Variants in PCDHGB1 observed in about 807,000 individuals in gnomAD.
PCDHGB1 encodes the protein protocadherin gamma subfamily B, 1, also known as protocadherin gamma-B1.
Under a neutral mutation model 56.6 loss-of-function variants are expected in PCDHGB1, and 34 were observed. The observed-to-expected ratio is 0.60, with a 90% CI of 0.46 to 0.80. The LOEUF is 0.80. Among genes scored for constraint, PCDHGB1 ranks in the 30% least tolerant of loss-of-function variants. PCDHGB1 has a pLI of 0.00. For synonymous variants in PCDHGB1, 561 were observed against 505.9 expected (o/e 1.11, Z -1.46); for missense variants, 1,278 against 1,204.6 (o/e 1.06, Z -0.90).
chr5:141,354,596 C>T (rs1759587882), intron 1 of PCDHGB1, among the ~76,000 whole-genome samples: 2 of 152,350 alleles, frequency 1.3e-5, no homozygotes, highest in South Asian at 4.1e-4. Context: ...AAAGCCAGAC[C>T]TCCAAGTTCC....
At chr5:141,483,242 C>T (rs2099578681) in intron 1 of PCDHGB1, among the ~76,000 whole-genome samples, 1 of 151,558 alleles carries the variant, frequency 6.6e-6, no homozygotes, top group African/African-American at 2.4e-5. Flanking sequence ...AACTGATATG[C>T]ATATATCATG....
chr5:141,458,171 A>G (rs548935841), intron 1 of PCDHGB1, among the ~76,000 whole-genome samples: 74 of 152,336 alleles, frequency 4.9e-4, no homozygotes, highest in African/African-American at 1.6e-3. Flanking sequence ...TCACAGTAGT[A>G]TACCTTACTT....
intron 1 of PCDHGB1, chr5:141,384,509 G>T: frequency 6.2e-7 from 1 of 1,614,176 alleles, no homozygotes; most frequent in Non-Finnish European, 8.5e-7. Flanking sequence ...GCACATGACA[G>T]CGGGGACCCG....
rs2099415271 is a variant in PCDHGB1, at chr5:141,477,659, G to A, written c.2410-17148G>A. 6.2e-7 allele frequency: 1 copy of A among 1,614,194 alleles called. No individual in the cohort carries two copies. The highest frequency in any genetic ancestry group is 1.3e-5 in the African/African-American group (1 of 75,046). ...GGGTCGCTATTTCACAATAAATCGT[G>A]ACAATGGCATAGTGTCATCCTTAGT... On this transcript the variant is annotated intron_variant, in intron 1 of 3. Transcript: ENST00000523390. The surrounding 1 kb of genome is among the most constrained non-coding windows in gnomAD (Gnocchi z 4.9).
At chr5:141,471,932 A>T (rs1015576042) in intron 1 of PCDHGB1, among the ~76,000 whole-genome samples, 1 of 152,158 alleles carries the variant, frequency 6.6e-6, no homozygotes, top group Non-Finnish European at 1.5e-5. Context: ...GGGGGTGATG[A>T]GAGTTTTCTA....
chr5:141,433,194 A>G (rs1170543558), intron 1 of PCDHGB1: 18 of 1,585,754 alleles, frequency 1.1e-5, no homozygotes, highest in Non-Finnish European at 1.5e-5. Context: ...GTGAGTTTAT[A>G]TCAAATCTTC....
intron 1 of PCDHGB1, chr5:141,418,035 T>C: frequency 6.2e-7 from 1 of 1,614,000 alleles, no homozygotes; most frequent in Non-Finnish European, 8.5e-7. Context: ...CTTAGTGTCC[T>C]GGATGTGTCG....
intron 1 of PCDHGB1, chr5:141,410,094 C>A: frequency 6.2e-7 from 1 of 1,612,646 alleles, no homozygotes; most frequent in South Asian, 1.1e-5. Context: ...ACGGCTCGAG[C>A]CTTAGGCGAC....
chr5:141,480,914 G>A (rs959577133), intron 1 of PCDHGB1, among the ~76,000 whole-genome samples: 18 of 151,978 alleles, frequency 1.2e-4, no homozygotes, highest in South Asian at 4.2e-4. Flanking sequence ...GCATGGTGGC[G>A]CATACCTGTA....
In PCDHGB1 at chr5:141,511,086, G is replaced by A. The variant is rs2099883600; in HGVS notation, c.2697G>A (p.Leu899=). The A allele has an allele frequency of 1.2e-6, 2 of 1,614,062 alleles. No individual in the cohort carries two copies. The highest frequency in any genetic ancestry group is 2.2e-5 in the East Asian group (1 of 44,886). The change falls in exon 4 of 4, where the codon CTG becomes CTA. Residue 899 remains leucine (L), a synonymous_variant. Transcript: ENST00000523390. ...ACATCCCAGGCAGCAATGCCACACT[G>A]ACCAACGCAGCTGGCAAGCGGGATG... is the stretch of plus-strand genomic sequence containing the variant. The part of the protein sequence containing the change: ...NVYIPGSNAT[L]TNAAGKRDGK...
intron 1 of PCDHGB1, among the ~76,000 whole-genome samples, chr5:141,434,982 A>G (rs908716553): frequency 3.3e-5 from 5 of 152,084 alleles, no homozygotes; most frequent in East Asian, 1.9e-4. Flanking sequence ...TTAATACTCT[A>G]TATCATTTTC....
At chr5:141,425,719 A>G (rs2096890303) in intron 1 of PCDHGB1, among the ~76,000 whole-genome samples, 1 of 152,200 alleles carries the variant, frequency 6.6e-6, no homozygotes. Context: ...TTCCCATACC[A>G]CTTGATGGGG....
chr5:141,502,246 T>A (rs1449536622), intron 2 of PCDHGB1, among the ~76,000 whole-genome samples: 1 of 152,206 alleles, frequency 6.6e-6, no homozygotes, highest in African/African-American at 2.4e-5. Flanking sequence ...TTTATCCTTT[T>A]TTTTAATCCA....
chr5:141,504,010 C>G (rs980812107), intron 2 of PCDHGB1, among the ~76,000 whole-genome samples: 9 of 152,204 alleles, frequency 5.9e-5, no homozygotes, highest in African/African-American at 1.2e-4. Context: ...TTAACTGTCT[C>G]TGCTGGTCTC....
chr5:141,476,597 G>C lies in PCDHGB1; in HGVS notation c.2410-18210G>C, dbSNP rs2099394582. On this transcript the variant is annotated intron_variant, in intron 1 of 3. Coordinates refer to ENST00000523390, the MANE Select transcript of PCDHGB1 (RefSeq NM_018922.3). The surrounding 1 kb of genome is among the most constrained non-coding windows in gnomAD (Gnocchi z 7.6). ...GCGCTTTCCGCTCGAGAGCGCGCAC[G>C]ATCCCGATGTGGGAAGCAACTCTTT... The C allele has an allele frequency of 1.2e-6, 2 of 1,614,112 alleles. No individual in the cohort carries two copies. The highest frequency in any genetic ancestry group is 1.7e-6 in the Non-Finnish European group (2 of 1,180,046).
At position 141,444,152 on chromosome 5, in the gene PCDHGB1, A is replaced by ATTTTTTTTTTT. The variant is rs747671382; in HGVS notation, c.2410-50629_2410-50619dup. 8.9e-5 allele frequency among the ~76,000 whole-genome samples: 3 copies of ATTTTTTTTTTT among 33,898 alleles called. 1 individual carries two copies. Among genetic ancestry groups the ATTTTTTTTTTT allele is most frequent in the African/African-American group, 4.2e-4 (3 of 7,184 alleles). 22.2% of individuals were successfully genotyped at this position (33,898 alleles called of 152,430 possible). On this transcript the variant is annotated intron_variant, in intron 1 of 3. Transcript: ENST00000523390. Reference sequence around the variant, plus strand: ...GATATGTGTCACTTGTGTGTACTGGATTTTTTTTTTTTTTTTTTTTTTTTT... The same window carrying ATTTTTTTTTTT: ...GATATGTGTCACTTGTGTGTACTGGATTTTTTTTTTTTTTTTTTTTTTTTTTTTTTTTTTTT...
At chr5:141,375,194 G>A (rs763161370) in intron 1 of PCDHGB1, 1 of 1,613,964 alleles carries the variant, frequency 6.2e-7, no homozygotes, top group South Asian at 1.1e-5. Flanking sequence ...CCTTTTTCAA[G>A]TGTTCGATCG....
chr5:141,399,605 A>G, intron 1 of PCDHGB1: 1 of 1,613,968 alleles, frequency 6.2e-7, no homozygotes, highest in Non-Finnish European at 8.5e-7. Context: ...AGCGACCTAG[A>G]GCCTCTGGCA....
intron 2 of PCDHGB1, among the ~76,000 whole-genome samples, chr5:141,504,128 G>A (rs914138294): frequency 2.6e-5 from 4 of 151,992 alleles, no homozygotes; most frequent in African/African-American, 9.7e-5. Context: ...GCTGTTTCCC[G>A]CCAACACTCC....
Sources: allele counts gnomAD v4.1 joint callset (sites outside exome capture counted in the v4.1 genomes callset), GRCh38; gene constraint gnomAD v4.1.1; non-coding constraint Gnocchi (gnomAD v3.1); transcripts MANE v1.5; gene names NCBI Gene and HGNC (gene_info 2026-07-23, HGNC 2026-07-21).